HARS1: variants seen among roughly 807,000 people sequenced by gnomAD.
HARS1 encodes the protein histidyl-tRNA synthetase 1.
HARS1 carries 45 observed loss-of-function variants against 63.6 expected under a neutral mutation model. The observed-to-expected ratio is 0.71, with a 90% CI of 0.56 to 0.91. The LOEUF (loss-of-function observed/expected upper bound fraction) is 0.91. Among genes scored for constraint, HARS1 ranks in the 40% least tolerant of loss-of-function variants. HARS1 has a pLI of 0.00. For missense variants in HARS1, 508 were observed against 643.2 expected (o/e 0.79, Z 2.27); for synonymous variants, 205 against 247.1 (o/e 0.83, Z 1.60).
rs749065877 is a variant in HARS1, at chr5:140,674,049, C to T, written c.*208G>A. The T allele has an allele frequency of 2.7e-5, 17 of 638,692 alleles. No individual in the cohort carries two copies. The highest frequency in any genetic ancestry group is 4.2e-4 in the Middle Eastern group (1 of 2,400). The allele number at this position is 638,692 out of a possible 1,614,324, so 39.6% of individuals were successfully genotyped here. Reference sequence around the variant, plus strand: ...CACAGACTGGACTAAGCCTCCTGGGCCTTGTATGAAAAAGGTGTTGTACCT... The same window carrying T: ...CACAGACTGGACTAAGCCTCCTGGGTCTTGTATGAAAAAGGTGTTGTACCT... On this transcript the variant is annotated 3_prime_UTR_variant, in exon 13 of 13. Coordinates refer to ENST00000504156, the MANE Select transcript of HARS1 (RefSeq NM_002109.6).
rs1308183072 is a variant in HARS1 at position 140,679,380 on chromosome 5, G to A, written c.397-253C>T. 1 of 450,636 alleles carries A rather than the reference G, an allele frequency of 2.2e-6. No homozygotes were observed. Among genetic ancestry groups the A allele is most frequent in the Non-Finnish European group, 3.9e-6 (1 of 253,970 alleles). 27.9% of individuals were successfully genotyped at this position (450,636 alleles called of 1,614,324 possible). Reference sequence around the variant, plus strand: ...TTTTTTGAGCATGGCAAGGGGCTGGGCAGGTTGGCCACAGACCAGAAAAAG... The same window carrying A: ...TTTTTTGAGCATGGCAAGGGGCTGGACAGGTTGGCCACAGACCAGAAAAAG... On this transcript the variant is annotated intron_variant, in intron 4 of 12. Transcript: ENST00000504156. This position sits in a 1 kb window ranked among gnomAD's most constrained non-coding sequence, Gnocchi z 4.3.
chr5:140,683,282 T>C, intron 2 of HARS1, 63 bp from the exon 3 acceptor site: 2 of 1,554,432 alleles, frequency 1.3e-6, no homozygotes, highest in Non-Finnish European at 1.8e-6. Context: ...CAATATGTTT[T>C]GGAAATATAA....
chr5:140,683,162 T>G lies in HARS1; in HGVS notation c.238A>C (p.Ile80Leu). The G allele has an allele frequency of 6.2e-7, 1 of 1,613,852 alleles. No homozygotes were observed. Residue 80 changes from isoleucine to leucine, a missense_variant, in exon 3 of 13, where the codon ATC (isoleucine) becomes CTC (leucine). Around this residue, in one of 2 missense-constraint regions of HARS1, gnomAD observed 403 missense variants for 548.7 expected, o/e 0.73. Transcript: ENST00000504156. ...MAVREKVFDV[I>L]IRCFKRHGAE... is the part of the protein sequence containing the mutation. ...CCGTGGCGCTTGAAGCAACGGATGA[T>G]TACGTCAAACACCTTCTCGCGAACT...
intron 2 of HARS1, among the ~76,000 whole-genome samples, chr5:140,689,429 T>C (rs1396313373): frequency 6.7e-6 from 1 of 149,714 alleles, no homozygotes; most frequent in African/African-American, 2.4e-5. Context: ...TATTTTTTAT[T>C]TGAAATTTTT....
At chr5:140,674,646 C>G (rs766410260) in intron 12 of HARS1, 33 bp downstream of exon 12, 2 of 1,613,346 alleles carry the variant, frequency 1.2e-6, no homozygotes, top group South Asian at 1.1e-5. Flanking sequence ...CATACATTCT[C>G]TGTCCCTTAG....
At chr5:140,675,553 T>TA (rs11336085) in intron 10 of HARS1, 13,278 of 145,408 alleles carry the variant, frequency 0.091, 790 homozygotes, top group Non-Finnish European at 0.14. Context: ...TCAGCTAATT[T>TA]AAAAAAAAAA....
chr5:140,683,005 T>A lies in HARS1; in HGVS notation c.300+95A>T. Reference sequence around the variant, plus strand: ...GACTGGTCTGTGTCCACAACAGGAGTGGGCCCTTTGGACCCTCACTCTCTT... The same window carrying A: ...GACTGGTCTGTGTCCACAACAGGAGAGGGCCCTTTGGACCCTCACTCTCTT... On this transcript the variant is annotated intron_variant, in intron 3 of 12. Coordinates refer to ENST00000504156, the MANE Select transcript of HARS1 (RefSeq NM_002109.6). 12 of 1,137,742 alleles carry A rather than the reference T, an allele frequency of 1.1e-5. No homozygotes were observed. The South Asian group carries it at 1.6e-4, about 15-fold the overall frequency. 70.5% of individuals were successfully genotyped at this position (1,137,742 alleles called of 1,614,324 possible). A position where few individuals can be genotyped will look rare whatever the true frequency, so the allele number is the denominator to read the frequency against.
chr5:140,682,578 G>A (rs1758787761), intron 3 of HARS1, among the ~76,000 whole-genome samples: 1 of 152,164 alleles, frequency 6.6e-6, no homozygotes, highest in Non-Finnish European at 1.5e-5. Context: ...ACAGGGGCTT[G>A]CTACATTGCC....
intron 2 of HARS1, among the ~76,000 whole-genome samples, chr5:140,690,568 T>C (rs1250585311): frequency 6.6e-6 from 1 of 152,232 alleles, no homozygotes; most frequent in South Asian, 2.1e-4. Flanking sequence ...CAGTGCTTTG[T>C]ATAGTGCTAG....
chr5:140,677,935 T>A lies in HARS1; in HGVS notation c.603A>T (p.Ser201=), dbSNP rs1758486530. The A allele has an allele frequency of 6.2e-7, 1 of 1,611,164 alleles. No homozygotes were observed. The highest frequency in any genetic ancestry group is 1.3e-5 in the African/African-American group (1 of 74,884). The change falls in exon 6 of 13, where the codon TCA becomes TCT. Residue 201 remains serine (S), a synonymous_variant. Coordinates refer to ENST00000504156, the MANE Select transcript of HARS1 (RefSeq NM_002109.6). ...TGACCAGGAAGTCGCCTATCTGAAGTGAACTCAGGATCTCGCACATGATCT... is the reference window on the plus strand; with the variant it reads ...TGACCAGGAAGTCGCCTATCTGAAGAGAACTCAGGATCTCGCACATGATCT... The part of the protein sequence containing the change: ...CLKIMCEILS[S]LQIGDFLVKV...
At chr5:140,678,962 C>A (rs755533672) in intron 5 of HARS1, 40 bp downstream of exon 5, 5 of 1,606,644 alleles carry the variant, frequency 3.1e-6, no homozygotes, top group Non-Finnish European at 4.3e-6. Flanking sequence ...TGAGAGAGCC[C>A]CAAGTAACTC....
Position 140,674,279 on chromosome 5 carries a change from C to G in HARS1, c.1508G>C (p.Gly503Ala), listed in dbSNP as rs781414119. 5.0e-6 allele frequency: 8 copies of G among 1,611,216 alleles called. No individual in the cohort carries two copies. The South Asian group carries it at 8.8e-5, about 18-fold the overall frequency. ...DLVEEIKRRT[G>A]QPLCIC ...AGTTCAGCAGATGCAGAGGGGCTGG[C>G]CTGTTCTCCTTTTGATTTCCTCCAC... is the stretch of plus-strand genomic sequence containing the variant. Residue 503 changes from glycine to alanine, a missense_variant, in exon 13 of 13, where the codon GGC becomes GCC. Gly to Ala is a moderately conservative substitution (Grantham distance 60). This residue lies in a region of HARS1 where 403 missense variants were observed against 548.7 expected (regional missense o/e 0.73). Coordinates refer to ENST00000504156, the MANE Select transcript of HARS1 (RefSeq NM_002109.6).
chr5:140,676,616 C>T lies in HARS1; in HGVS notation c.1194+38G>A. 2 of 1,598,342 alleles carry T rather than the reference C, an allele frequency of 1.3e-6. No individual in the cohort carries two copies. The highest frequency in any genetic ancestry group is 2.2e-5 in the South Asian group (2 of 90,094). On this transcript the variant is annotated intron_variant, in intron 10 of 12. Coordinates refer to ENST00000504156, the MANE Select transcript of HARS1 (RefSeq NM_002109.6). The surrounding 1 kb of genome is among the most constrained non-coding windows in gnomAD (Gnocchi z 4.1). Reference sequence around the variant, plus strand: ...GATCAGATAGCTTAGGTGCCACCACCTGCTCAGACTATCTTCTACCTACCT... The same window carrying T: ...GATCAGATAGCTTAGGTGCCACCACTTGCTCAGACTATCTTCTACCTACCT...
In HARS1 at chr5:140,674,221, C is replaced by CA. The variant is rs1561998689; in HGVS notation, c.*35dup. The CA allele has an allele frequency of 7.6e-7, 1 of 1,313,388 alleles. No homozygotes were observed. Among genetic ancestry groups the CA allele is most frequent in the Non-Finnish European group, 1.1e-6 (1 of 905,010 alleles). The allele number at this position is 1,313,388 out of a possible 1,614,324, so 81.4% of individuals were successfully genotyped here. ...AGTTTGTCTTAACCTCAAATAGTGC[C>CA]AGTCCCACTTCCTTTCCTCTGATAG... On this transcript the variant is annotated 3_prime_UTR_variant, in exon 13 of 13. Transcript: ENST00000504156.
At chr5:140,677,817 G>C in intron 6 of HARS1, 64 bp from the exon 7 acceptor site, 1 of 1,389,174 alleles carries the variant, frequency 7.2e-7, no homozygotes. Flanking sequence ...CAATAGTCAT[G>C]GTCACTTAGG....
At position 140,676,672 on chromosome 5, in the gene HARS1, G is replaced by A. The variant is rs373400844; in HGVS notation, c.1176C>T (p.Ile392=). The change falls in exon 10 of 13, where the codon ATC becomes ATT. Residue 392 remains isoleucine (I), a synonymous_variant. Transcript: ENST00000504156. This position sits in a 1 kb window ranked among gnomAD's most constrained non-coding sequence, Gnocchi z 4.1. ...GACCTACCTCTAGTCTCTGTTCCAC[G>A]ATGGAGAAAATCCGCTCCACCCCAA... ...LSIGVERIFS[I]VEQRLEALEE... The A allele has an allele frequency of 6.8e-6, 11 of 1,614,054 alleles. No homozygotes were observed. The highest frequency in any genetic ancestry group is 2.7e-5 in the African/African-American group (2 of 74,916).
chr5:140,673,951 G>A lies in HARS1; in HGVS notation c.*306C>T, dbSNP rs979068546. 1.8e-6 allele frequency: 1 copy of A among 564,120 alleles called. No individual in the cohort carries two copies. 34.9% of individuals were successfully genotyped at this position (564,120 alleles called of 1,614,324 possible). A position where few individuals can be genotyped will look rare whatever the true frequency, so the allele number is the denominator to read the frequency against. On this transcript the variant is annotated 3_prime_UTR_variant, in exon 13 of 13. Transcript: ENST00000504156. ...TGGACCTTTGGCAATTGGTGGTGGGGAGGCATCTGCTCCAACTGGTGCGGG... is the reference window on the plus strand; with the variant it reads ...TGGACCTTTGGCAATTGGTGGTGGGAAGGCATCTGCTCCAACTGGTGCGGG...
At position 140,679,039 on chromosome 5, in the gene HARS1, G is replaced by A. The variant is rs753448470; in HGVS notation, c.485C>T (p.Ala162Val). 1.2e-6 allele frequency: 2 copies of A among 1,614,050 alleles called. No homozygotes were observed. The highest frequency in any genetic ancestry group is 1.7e-6 in the Non-Finnish European group (2 of 1,179,936). Reference sequence around the variant, plus strand: ...TTCCCGGTATCGGCCACGGGTCATGGCTGGGTTATCCCGCCGATATACCTT... The same window carrying A: ...TTCCCGGTATCGGCCACGGGTCATGACTGGGTTATCCCGCCGATATACCTT... ...IAKVYRRDNP[A>V]MTRGRYREFY... Residue 162 changes from alanine to valine, a missense_variant, in exon 5 of 13, where the codon GCC becomes GTC. By Grantham distance (64) the Ala-to-Val change is moderately conservative (BLOSUM62 0). This residue lies in a region of HARS1 where 403 missense variants were observed against 548.7 expected (regional missense o/e 0.73). Transcript: ENST00000504156. This position sits in a 1 kb window ranked among gnomAD's most constrained non-coding sequence, Gnocchi z 4.3.
chr5:140,691,360 T>G lies in HARS1; in HGVS notation c.-56A>C. ...TCGACCTGCGGTGGTTGCCCCAGCCTCAGCAAGGATGACTTCCGGCTATCG... is the reference window on the plus strand; with the variant it reads ...TCGACCTGCGGTGGTTGCCCCAGCCGCAGCAAGGATGACTTCCGGCTATCG... On this transcript the variant is annotated 5_prime_UTR_variant, in exon 1 of 13. Coordinates refer to ENST00000504156, the MANE Select transcript of HARS1 (RefSeq NM_002109.6). 3 of 1,340,268 alleles carry G rather than the reference T, an allele frequency of 2.2e-6. No homozygotes were observed. Among genetic ancestry groups the G allele is most frequent in the East Asian group, 2.4e-5 (1 of 42,218 alleles). The allele number at this position is 1,340,268 out of a possible 1,614,324, so 83.0% of individuals were successfully genotyped here.
Sources: allele counts gnomAD v4.1 joint callset (sites outside exome capture counted in the v4.1 genomes callset), GRCh38; gene constraint gnomAD v4.1.1; regional missense constraint gnomAD v4.1.1; non-coding constraint Gnocchi (gnomAD v3.1); transcripts MANE v1.5; gene names NCBI Gene and HGNC (gene_info 2026-07-23, HGNC 2026-07-21).